CMIP: variants seen among roughly 807,000 people sequenced by gnomAD.
The protein encoded by CMIP is c-Maf inducing protein.
Under a neutral mutation model 97.3 loss-of-function variants are expected in CMIP, and 13 were observed. The observed-to-expected ratio is 0.13, with a 90% CI of 0.09 to 0.21. CMIP has a LOEUF of 0.21. Ranked by LOEUF, CMIP falls within the 10% of genes least tolerant of loss-of-function variation. The pLI is 1.00. For synonymous variants in CMIP, 538 were observed against 436.3 expected (o/e 1.23, Z -2.91); for missense variants, 847 against 1,024.9 (o/e 0.83, Z 2.37).
At chr16:81,670,029 A>G in intron 7 of CMIP, 113 bp from the exon 8 acceptor site, 3 of 1,003,348 alleles carry the variant, frequency 3.0e-6, no homozygotes, top group Non-Finnish European at 2.9e-6. Flanking sequence ...TGCCTTCCAC[A>G]TCAACAGCTC....
chr16:81,587,858 G>GGCCA (rs1248554556), intron 1 of CMIP, among the ~76,000 whole-genome samples: 2 of 152,194 alleles, frequency 1.3e-5, no homozygotes, highest in Non-Finnish European at 2.9e-5. Context: ...GGAGAAAGGT[G>GGCCA]GCCAGGTCCG....
intron 1 of CMIP, among the ~76,000 whole-genome samples, chr16:81,569,203 A>G (rs143027851): frequency 5.0e-4 from 76 of 152,242 alleles, no homozygotes; most frequent in Middle Eastern, 3.4e-3. Flanking sequence ...TCCCTTGAGA[A>G]TATCTGTAGT....
rs927182073 is a variant in CMIP, at chr16:81,710,865, T to G, written c.*1066T>G. The G allele has an allele frequency of 1.3e-4, 20 of 152,302 alleles. No homozygotes were observed. The highest frequency in any genetic ancestry group is 1.3e-4 in the Admixed American group (2 of 15,298). The allele number at this position is 152,302 out of a possible 1,614,324, so 9.4% of individuals were successfully genotyped here. A position where few individuals can be genotyped will look rare whatever the true frequency, so the allele number is the denominator to read the frequency against. ...AGGGAGCTCCTGTCCCTGTCAGCCT[T>G]TGCTGTCCCCTGTCCCCAACGGAGA... is the stretch of plus-strand genomic sequence containing the variant. On this transcript the variant is annotated 3_prime_UTR_variant, in exon 21 of 21. Coordinates refer to ENST00000537098, the MANE Select transcript of CMIP (RefSeq NM_198390.3).
intron 7 of CMIP, among the ~76,000 whole-genome samples, chr16:81,669,722 C>T (rs1344472723): frequency 1.3e-5 from 2 of 148,522 alleles, no homozygotes; most frequent in Non-Finnish European, 3.0e-5. Flanking sequence ...ATACCCACCT[C>T]ACACTCACCT....
chr16:81,508,022 C>T (rs746894891), intron 1 of CMIP, among the ~76,000 whole-genome samples: 1 of 152,170 alleles, frequency 6.6e-6, no homozygotes, highest in Non-Finnish European at 1.5e-5. Flanking sequence ...ACCTATCCAC[C>T]CATGCTTAAC....
chr16:81,683,517 G>A (rs1391685378), intron 10 of CMIP, among the ~76,000 whole-genome samples: 1 of 152,014 alleles, frequency 6.6e-6, no homozygotes, highest in Non-Finnish European at 1.5e-5. Context: ...AGCCTCCCCA[G>A]TAGCTAGGAT....
chr16:81,666,997 G>A (rs1175939996), intron 7 of CMIP: 1 of 152,008 alleles, frequency 6.6e-6, no homozygotes, highest in East Asian at 1.9e-4. Context: ...TCTGGCTAAG[G>A]AGCGTACCTA....
At chr16:81,609,182 C>G (rs1199336721) in intron 2 of CMIP, among the ~76,000 whole-genome samples, 1 of 146,258 alleles carries the variant, frequency 6.8e-6, no homozygotes, top group Middle Eastern at 3.2e-3. Flanking sequence ...CACTGTCCCT[C>G]CCCCCCTCCC....
rs549652094 is a variant in CMIP, at chr16:81,521,263, C to T, written c.300+75722C>T. Among the ~76,000 whole-genome samples, 10 of 152,274 alleles carry T rather than the reference C, an allele frequency of 6.6e-5. No individual in the cohort carries two copies. In the East Asian group the frequency reaches 7.7e-4, roughly 12 times the overall value. On this transcript the variant is annotated intron_variant, in intron 1 of 20. Transcript: ENST00000537098. ...GGCCTCTGCATCATTGCTTGCTGAG[C>T]GGATGGTACTGCACGGTTGCCATGG...
At chr16:81,662,727 G>A (rs2151022745) in intron 6 of CMIP, among the ~76,000 whole-genome samples, 1 of 152,362 alleles carries the variant, frequency 6.6e-6, no homozygotes, top group African/African-American at 2.4e-5. Context: ...TGCAGGACAC[G>A]AGGGAGGGGC....
chr16:81,456,835 G>T (rs1475798210), intron 1 of CMIP, among the ~76,000 whole-genome samples: 1 of 152,164 alleles, frequency 6.6e-6, no homozygotes, highest in Admixed American at 6.5e-5. Context: ...GAGAGCGTGT[G>T]GACAGAGCAG....
At chr16:81,588,179 C>T (rs1409200637) in intron 1 of CMIP, among the ~76,000 whole-genome samples, 2 of 152,202 alleles carry the variant, frequency 1.3e-5, no homozygotes, top group Non-Finnish European at 1.5e-5. Flanking sequence ...GCCGATCACC[C>T]CAAGCTTTGT....
chr16:81,451,474 G>A (rs1003643107), intron 1 of CMIP, among the ~76,000 whole-genome samples: 1 of 152,174 alleles, frequency 6.6e-6, no homozygotes, highest in Non-Finnish European at 1.5e-5. Context: ...ATACACTCTT[G>A]TTCCTTGAAA....
chr16:81,702,004 T>C (rs565282450), intron 16 of CMIP, among the ~76,000 whole-genome samples: 10 of 152,324 alleles, frequency 6.6e-5, no homozygotes, highest in South Asian at 4.1e-4. Context: ...ACACAGCTCA[T>C]TGGGGCCTGG....
chr16:81,553,109 C>A lies in CMIP; in HGVS notation c.301-54458C>A, dbSNP rs182813396. Among the ~76,000 whole-genome samples, 75 of 152,334 alleles carry A rather than the reference C, an allele frequency of 4.9e-4. No individual in the cohort carries two copies. The South Asian group carries it at 6.2e-3, about 13-fold the overall frequency. ...AGTTGCTTAGCCACGTGGGTCCCAG[C>A]ACCCAGGGCCTGAGTCTCTGCTTGT... On this transcript the variant is annotated intron_variant, in intron 1 of 20. Coordinates refer to ENST00000537098, the MANE Select transcript of CMIP (RefSeq NM_198390.3).
intron 2 of CMIP, among the ~76,000 whole-genome samples, chr16:81,615,407 TG>T (rs1298233240): frequency 7.0e-6 from 1 of 141,906 alleles, no homozygotes; most frequent in Non-Finnish European, 1.5e-5. Context: ...TGGTGTATGG[TG>T]TGTGTGTGTG....
chr16:81,617,838 G>A (rs2091940430), intron 2 of CMIP, among the ~76,000 whole-genome samples: 1 of 152,242 alleles, frequency 6.6e-6, no homozygotes, highest in African/African-American at 2.4e-5. Context: ...CCAGGCCACA[G>A]GATACAGTGG....
chr16:81,640,369 G>A (rs942127932), intron 3 of CMIP, among the ~76,000 whole-genome samples: 5 of 151,066 alleles, frequency 3.3e-5, no homozygotes, highest in African/African-American at 2.5e-5. Flanking sequence ...CAGTTGCAGA[G>A]GGCCCTGCTG....
At chr16:81,465,840 T>C (rs1336647773) in intron 1 of CMIP, among the ~76,000 whole-genome samples, 4 of 152,190 alleles carry the variant, frequency 2.6e-5, no homozygotes, top group Non-Finnish European at 5.9e-5. Context: ...AGACCTTCGC[T>C]CAGGGTCTTC....
Sources: gnomAD v4.1 joint callset for allele counts (sites outside exome capture counted in the v4.1 genomes callset) on GRCh38, gnomAD v4.1.1 for gene constraint, MANE v1.5 for transcripts, NCBI Gene and HGNC (gene_info 2026-07-23, HGNC 2026-07-21) for gene names.